ELFN2: variants seen among roughly 807,000 people sequenced by gnomAD.
The protein encoded by ELFN2 is extracellular leucine rich repeat and fibronectin type III domain containing 2.
A neutral mutation model predicts 45.5 loss-of-function variants in ELFN2; 17 were observed. The observed-to-expected ratio is 0.37, with a 90% CI of 0.26 to 0.56. The LOEUF is 0.56. ELFN2 is among the 20% of genes least tolerant of loss of function. ELFN2 has a pLI of 0.77. For synonymous variants in ELFN2, 550 were observed against 551.5 expected (o/e 1.00, Z 0.04); for missense variants, 922 against 1,183.2 (o/e 0.78, Z 3.24).
At chr22:37,389,736 C>T (rs1932044694) in intron 2 of ELFN2, among the ~76,000 whole-genome samples, 1 of 152,198 alleles carries the variant, frequency 6.6e-6, no homozygotes, top group African/African-American at 2.4e-5. Context: ...TAGCCCTTGC[C>T]TGTCTTCTCC....
In ELFN2 at chr22:37,374,263, C is replaced by A; in HGVS notation, c.1272G>T (p.Met424Ile). Reference protein sequence around the residue: ...AVYYCLRKRRMQEEKQKSVNV... With the variant: ...AVYYCLRKRRIQEEKQKSVNV... ...TGACAGACTTCTGCTTCTCCTCCTGCATGCGCCGCTTGCGCAGGCAGTAGT... is the reference window on the plus strand; with the variant it reads ...TGACAGACTTCTGCTTCTCCTCCTGAATGCGCCGCTTGCGCAGGCAGTAGT... The change falls in exon 3 of 3, where the codon ATG becomes ATT. Residue 424 changes from methionine to isoleucine, a missense_variant. Physicochemically the swap from Met to Ile is conservative, Grantham distance 10. This residue lies in a region of ELFN2 where 564 missense variants were observed against 642.8 expected (regional missense o/e 0.88). Transcript: ENST00000402918. The A allele has an allele frequency of 6.2e-7, 1 of 1,614,040 alleles. No individual in the cohort carries two copies. The highest frequency in any genetic ancestry group is 8.5e-7 in the Non-Finnish European group (1 of 1,180,046).
chr22:37,373,689 G>A lies in ELFN2; in HGVS notation c.1846C>T (p.Arg616Cys), dbSNP rs771037552. 10 of 1,564,380 alleles carry A rather than the reference G, an allele frequency of 6.4e-6. No individual in the cohort carries two copies. Among genetic ancestry groups the A allele is most frequent in the South Asian group, 4.8e-5 (4 of 82,588 alleles). ...YKESSHHPLQ[R>C]QLSADAAVTR... ...ACGGCCGCGTCGGCGCTCAGCTGGC[G>A]CTGTAGTGGGTGGTGGGAGCTCTCC... is the stretch of plus-strand genomic sequence containing the variant. Residue 616 changes from arginine to cysteine, a missense_variant, in exon 3 of 3, where the codon CGC (arginine) becomes TGC (cysteine). Transcript: ENST00000402918.
At chr22:37,398,887 C>A (rs557419095) in intron 2 of ELFN2, among the ~76,000 whole-genome samples, 2 of 152,270 alleles carry the variant, frequency 1.3e-5, no homozygotes, top group South Asian at 2.1e-4. Flanking sequence ...CCACCTCCAG[C>A]CCAACCCCAG....
In ELFN2 at chr22:37,369,139, G is replaced by A. The variant is rs531945586; in HGVS notation, c.*3933C>T. ...TCCCGGCCTCAGCACTGTCACAACC[G>A]AGTTTGTCAGCTCTAGGTCTCCTTT... is the stretch of plus-strand genomic sequence containing the variant. On this transcript the variant is annotated 3_prime_UTR_variant, in exon 3 of 3. Coordinates refer to ENST00000402918, the MANE Select transcript of ELFN2 (RefSeq NM_052906.5). The A allele has an allele frequency of 1.3e-5, 2 of 152,070 alleles. No individual in the cohort carries two copies. The highest frequency in any genetic ancestry group is 2.4e-5 in the African/African-American group (1 of 41,378). 9.4% of individuals were successfully genotyped at this position (152,070 alleles called of 1,614,324 possible).
rs560966422 is a variant in ELFN2 at position 37,351,161 on chromosome 22, T to G, written n.149-8458A>C. 5.4e-5 allele frequency among the ~76,000 whole-genome samples: 8 copies of G among 148,712 alleles called. No individual in the cohort carries two copies. The East Asian group carries it at 1.6e-3, about 29-fold the overall frequency. On this transcript the variant is annotated intron_variant and non_coding_transcript_variant, in intron 1 of 2. Transcript: ENST00000452946. ...CTCTCCTCCCTCCTCCCTCCTCTCC[T>G]CCTTCTCCCCTCTCTCCTCCCAGTC...
intron 2 of ELFN2, among the ~76,000 whole-genome samples, chr22:37,409,435 G>T (rs1932592043): frequency 6.6e-6 from 1 of 152,114 alleles, no homozygotes; most frequent in Non-Finnish European, 1.5e-5. Flanking sequence ...ACAGCCAGGG[G>T]TCCTGGCCCT....
At chr22:37,397,787 GGA>G (rs34212381) in intron 2 of ELFN2, among the ~76,000 whole-genome samples, 26,104 of 152,062 alleles carry the variant, frequency 0.17, 2,437 homozygotes, top group Admixed American at 0.3. Flanking sequence ...CTAAGCACAA[GGA>G]GGGGAACGAG....
At position 37,372,977 on chromosome 22, in the gene ELFN2, C is replaced by G; in HGVS notation, c.*95G>C. 1 of 1,414,820 alleles carries G rather than the reference C, an allele frequency of 7.1e-7. No individual in the cohort carries two copies. Among genetic ancestry groups the G allele is most frequent in the East Asian group, 2.4e-5 (1 of 41,566 alleles). 87.6% of individuals were successfully genotyped at this position (1,414,820 alleles called of 1,614,324 possible). Reference sequence around the variant, plus strand: ...ATGTGCGTCCTCTCCTGGGCCTTGGCCCCCGAGTCTGCTCCCCGCCCTGGC... The same window carrying G: ...ATGTGCGTCCTCTCCTGGGCCTTGGGCCCCGAGTCTGCTCCCCGCCCTGGC... On this transcript the variant is annotated 3_prime_UTR_variant, in exon 3 of 3. Coordinates refer to ENST00000402918, the MANE Select transcript of ELFN2 (RefSeq NM_052906.5). The surrounding 1 kb of genome is among the most constrained non-coding windows in gnomAD (Gnocchi z 4.4).
chr22:37,400,071 C>T (rs2145670102), intron 2 of ELFN2, among the ~76,000 whole-genome samples: 1 of 152,300 alleles, frequency 6.6e-6, no homozygotes, highest in East Asian at 1.9e-4. Flanking sequence ...CCTCCACGTC[C>T]CCAGCCCATG....
chr22:37,407,101 G>T (rs1251058764), intron 2 of ELFN2, among the ~76,000 whole-genome samples: 1 of 152,234 alleles, frequency 6.6e-6, no homozygotes, highest in Non-Finnish European at 1.5e-5. Context: ...ATGGCCTACT[G>T]GGTGTGTGCA....
chr22:37,396,635 G>A (rs60603523), intron 2 of ELFN2, among the ~76,000 whole-genome samples: 3,296 of 152,092 alleles, frequency 0.022, 117 homozygotes, highest in African/African-American at 0.075. Flanking sequence ...TCCCAGCCAC[G>A]CCCCCTTCCC....
rs569785449 is a variant in ELFN2, at chr22:37,370,466, C to T, written c.*2606G>A. On this transcript the variant is annotated 3_prime_UTR_variant, in exon 3 of 3. Transcript: ENST00000402918. ...CAATTCACCAGGCCCGTCTGGGAGC[C>T]CTGACTTCCTCATCTACAAAACGGG... 1.3e-5 allele frequency: 2 copies of T among 152,430 alleles called. No individual in the cohort carries two copies. The highest frequency in any genetic ancestry group is 4.1e-4 in the South Asian group (2 of 4,830). The allele number at this position is 152,430 out of a possible 1,614,324, so 9.4% of individuals were successfully genotyped here.
chr22:37,424,087 A>G (rs1332423592), intron 1 of ELFN2, among the ~76,000 whole-genome samples: 1 of 152,102 alleles, frequency 6.6e-6, no homozygotes, highest in Non-Finnish European at 1.5e-5. Context: ...TCCACACAGC[A>G]CATGTCACAA....
In ELFN2 at chr22:37,350,658, C is replaced by T. The variant is rs77166545; in HGVS notation, n.149-7955G>A. ...CCAGAGCCCCCAGTACTGTCATTAGCGCTGATTACTCCCATCAGCACCCCA... is the reference window on the plus strand; with the variant it reads ...CCAGAGCCCCCAGTACTGTCATTAGTGCTGATTACTCCCATCAGCACCCCA... On this transcript the variant is annotated intron_variant and non_coding_transcript_variant, in intron 1 of 2. Transcript: ENST00000452946. Among the ~76,000 whole-genome samples the T allele has an allele frequency of 7.1e-3, 1,078 of 150,788 alleles. 24 individuals carry two copies. The highest frequency in any genetic ancestry group is 0.025 in the African/African-American group (1,016 of 41,406).
At chr22:37,383,186 G>A (rs1931836470) in intron 2 of ELFN2, among the ~76,000 whole-genome samples, 1 of 152,136 alleles carries the variant, frequency 6.6e-6, no homozygotes, top group Non-Finnish European at 1.5e-5. Flanking sequence ...TGCGTTCAGA[G>A]CAGGATCAGC....
At chr22:37,395,701 G>A (rs777902809) in intron 2 of ELFN2, among the ~76,000 whole-genome samples, 6 of 152,198 alleles carry the variant, frequency 3.9e-5, no homozygotes, top group Non-Finnish European at 5.9e-5. Context: ...GGTCCTGTCA[G>A]CACTGGCACA....
intron 2 of ELFN2, among the ~76,000 whole-genome samples, chr22:37,383,855 G>A (rs866882285): frequency 5.3e-5 from 8 of 152,170 alleles, no homozygotes; most frequent in African/African-American, 1.2e-4. Flanking sequence ...CTTTGGACGC[G>A]CATCTCCAGG....
intron 2 of ELFN2, among the ~76,000 whole-genome samples, chr22:37,413,123 G>A (rs1343846556): frequency 3.3e-5 from 5 of 152,092 alleles, no homozygotes; most frequent in African/African-American, 7.2e-5. Flanking sequence ...AGAAAATCCC[G>A]GCACAGAAGA....
intron 1 of ELFN2, among the ~76,000 whole-genome samples, chr22:37,357,361 A>G (rs1302231993): frequency 6.6e-6 from 1 of 152,198 alleles, no homozygotes; most frequent in Non-Finnish European, 1.5e-5. Flanking sequence ...CTCCTGTGGA[A>G]GAAGGGAAGG....
Sources: gnomAD v4.1 joint callset for allele counts (sites outside exome capture counted in the v4.1 genomes callset) on GRCh38, gnomAD v4.1.1 for gene constraint, gnomAD v4.1.1 regional missense constraint, Gnocchi (gnomAD v3.1) non-coding constraint, MANE v1.5 for transcripts, NCBI Gene and HGNC (gene_info 2026-07-23, HGNC 2026-07-21) for gene names.